Variants in TRAF3IP1 observed in about 807,000 individuals in gnomAD.
TRAF3IP1 encodes intraflagellar transport 54, also known as TRAF3-interacting protein 1.
In TRAF3IP1, 53 loss-of-function variants were observed where a neutral mutation model predicts 89.9. That is an observed-to-expected ratio of 0.59 (90% CI 0.47 to 0.74). The LOEUF is 0.74. Among genes scored for constraint, TRAF3IP1 ranks in the 30% least tolerant of loss-of-function variants. The probability of loss-of-function intolerance (pLI) is 0.00; values close to 1 mark genes in which losing one functional copy is unlikely to be tolerated. For missense variants in TRAF3IP1, 806 were observed against 866.1 expected (o/e 0.93, Z 0.87); for synonymous variants, 311 against 322.1 (o/e 0.97, Z 0.37).
chr2:238,371,126 T>C (rs1024701970), intron 15 of TRAF3IP1, among the ~76,000 whole-genome samples: 6 of 152,228 alleles, frequency 3.9e-5, no homozygotes, highest in African/African-American at 1.2e-4. Flanking sequence ...AATGCGACAT[T>C]GAAAGTCTGT....
At chr2:238,390,605 T>C (rs371318071) in intron 15 of TRAF3IP1, among the ~76,000 whole-genome samples, 1 of 152,330 alleles carries the variant, frequency 6.6e-6, no homozygotes, top group East Asian at 1.9e-4. Flanking sequence ...ACCCATGCCT[T>C]GTCCTGGGGG....
At chr2:238,356,576 C>A (rs1465719071) in intron 15 of TRAF3IP1, among the ~76,000 whole-genome samples, 1 of 152,102 alleles carries the variant, frequency 6.6e-6, no homozygotes, top group Admixed American at 6.5e-5. Flanking sequence ...GGGGCTACTT[C>A]CCTGGCCTGG....
At position 238,332,861 on chromosome 2, in the gene TRAF3IP1, A is replaced by T; in HGVS notation, c.953A>T (p.Asp318Val). Residue 318 changes from aspartate to valine, a missense_variant, in exon 6 of 17, where the codon GAT becomes GTT. This residue lies in a region of TRAF3IP1 where 732 missense variants were observed against 780.5 expected (regional missense o/e 0.94). Coordinates refer to ENST00000373327, the MANE Select transcript of TRAF3IP1 (RefSeq NM_015650.4). ...SSGEMSKKLS[D>V]GTFKDSKAET... ...GGGGAGATGTCTAAAAAGTTATCAG[A>T]TGGAACTTTTAAAGACTCCAAGGCT... 3 of 1,613,136 alleles carry T rather than the reference A, an allele frequency of 1.9e-6. No individual in the cohort carries two copies. Among genetic ancestry groups the T allele is most frequent in the Admixed American group, 1.7e-5 (1 of 59,968 alleles).
At chr2:238,329,853 C>G (rs1432427990) in intron 5 of TRAF3IP1, among the ~76,000 whole-genome samples, 1 of 152,130 alleles carries the variant, frequency 6.6e-6, no homozygotes, top group Non-Finnish European at 1.5e-5. Context: ...TGAGGTCTCC[C>G]TTTATGGAAT....
intron 12 of TRAF3IP1, among the ~76,000 whole-genome samples, chr2:238,349,807 C>T (rs1330887980): frequency 1.3e-5 from 2 of 152,338 alleles, no homozygotes; most frequent in South Asian, 2.1e-4. Flanking sequence ...TGGTGGTTCA[C>T]GCCTGTAATC....
intron 15 of TRAF3IP1, among the ~76,000 whole-genome samples, chr2:238,363,604 T>C (rs1699748724): frequency 6.6e-6 from 1 of 152,220 alleles, no homozygotes; most frequent in Admixed American, 6.5e-5. Flanking sequence ...TGCTTACTTC[T>C]AGACATACTT....
rs1701367017 is a variant in TRAF3IP1 at position 238,399,095 on chromosome 2, C to A, written c.*176C>A. ...AAGCATGTTAAGTGTATTAAAAAAA[C>A]CATGTTTTCTTACCTCCTTCCAGAT... is the stretch of plus-strand genomic sequence containing the variant. On this transcript the variant is annotated 3_prime_UTR_variant, in exon 17 of 17. Transcript: ENST00000373327. The A allele has an allele frequency of 8.5e-6, 5 of 585,744 alleles. No individual in the cohort carries two copies. The highest frequency in any genetic ancestry group is 5.7e-5 in the African/African-American group (3 of 52,466). 36.3% of individuals were successfully genotyped at this position (585,744 alleles called of 1,614,324 possible).
chr2:238,328,983 G>A lies in TRAF3IP1; in HGVS notation c.556G>A (p.Glu186Lys). 1.3e-6 allele frequency: 2 copies of A among 1,552,370 alleles called. No individual in the cohort carries two copies. The highest frequency in any genetic ancestry group is 1.7e-6 in the Non-Finnish European group (2 of 1,147,792). ...RSTSRDRKQK[E>K]ELKEDRKPRE... The stretch of plus-strand genomic sequence containing the variant: ...TACAAGCAGAGATCGAAAACAGAAG[G>A]AAGAATTGAAAGAAGACCGCAAGCC... Residue 186 changes from glutamate to lysine, a missense_variant, in exon 5 of 17, where the codon GAA becomes AAA. Coordinates refer to ENST00000373327, the MANE Select transcript of TRAF3IP1 (RefSeq NM_015650.4).
intron 15 of TRAF3IP1, among the ~76,000 whole-genome samples, chr2:238,356,295 G>A (rs1309053519): frequency 1.3e-5 from 2 of 152,174 alleles, no homozygotes; most frequent in Non-Finnish European, 2.9e-5. Flanking sequence ...CCAGGAGTTC[G>A]AGACCAGCCT....
At chr2:238,373,015 G>A (rs1452664449) in intron 15 of TRAF3IP1, among the ~76,000 whole-genome samples, 1 of 151,988 alleles carries the variant, frequency 6.6e-6, no homozygotes, top group Non-Finnish European at 1.5e-5. Flanking sequence ...TAAGTTCTTT[G>A]TAGATTCTGG....
At chr2:238,352,313 C>G (rs752976749) in intron 12 of TRAF3IP1, among the ~76,000 whole-genome samples, 2 of 152,076 alleles carry the variant, frequency 1.3e-5, no homozygotes, top group Non-Finnish European at 2.9e-5. Context: ...GCCACTGTGA[C>G]TAGGAGTTGA....
chr2:238,361,617 C>T (rs533745417), intron 15 of TRAF3IP1, among the ~76,000 whole-genome samples: 19 of 152,206 alleles, frequency 1.2e-4, no homozygotes, highest in South Asian at 2.1e-4. Context: ...CCAGGCACTA[C>T]GTGTTTCCGG....
rs1347765241 is a variant in TRAF3IP1 at position 238,399,829 on chromosome 2, A to G, written c.*910A>G. On this transcript the variant is annotated 3_prime_UTR_variant, in exon 17 of 17. Coordinates refer to ENST00000373327, the MANE Select transcript of TRAF3IP1 (RefSeq NM_015650.4). ...ACTTAAAAGGATGCACTGATTTACG[A>G]CGTTTTTTGATGTTAGCCATTTTTT... 6.6e-6 allele frequency: 1 copy of G among 152,038 alleles called. No individual in the cohort carries two copies. The highest frequency in any genetic ancestry group is 1.5e-5 in the Non-Finnish European group (1 of 68,026). The allele number at this position is 152,038 out of a possible 1,614,324, so 9.4% of individuals were successfully genotyped here.
chr2:238,365,860 G>A (rs1028156787), intron 15 of TRAF3IP1, among the ~76,000 whole-genome samples: 24 of 152,076 alleles, frequency 1.6e-4, no homozygotes, highest in African/African-American at 5.8e-4. Context: ...ATGTTCCCAA[G>A]TAAAATCTCT....
intron 9 of TRAF3IP1, 78 bp downstream of exon 9, chr2:238,344,676 G>A: frequency 8.0e-7 from 1 of 1,256,340 alleles, no homozygotes; most frequent in Non-Finnish European, 1.2e-6. Context: ...AAGGGCCGCA[G>A]CCCAGAGCCC....
intron 15 of TRAF3IP1, among the ~76,000 whole-genome samples, chr2:238,388,335 A>T (rs533636181): frequency 6.8e-6 from 1 of 147,178 alleles, no homozygotes; most frequent in African/African-American, 2.5e-5. Context: ...AGATCGCGCC[A>T]CTGCACTCCA....
At chr2:238,368,678 AT>A (rs927463284) in intron 15 of TRAF3IP1, among the ~76,000 whole-genome samples, 142 of 151,642 alleles carry the variant, frequency 9.4e-4, no homozygotes, top group Non-Finnish European at 1.1e-3. Context: ...GTTATTAATA[AT>A]TTTTTTTTGA....
At chr2:238,349,004 A>T (rs1042711403) in intron 11 of TRAF3IP1, among the ~76,000 whole-genome samples, 156 bp downstream of exon 11, 1 of 152,210 alleles carries the variant, frequency 6.6e-6, no homozygotes, top group Non-Finnish European at 1.5e-5. Flanking sequence ...AGTTTTCTGT[A>T]CTGGAGTTAT....
Position 238,338,378 on chromosome 2 carries a change from T to C in TRAF3IP1, c.1080T>C (p.Asn360=). ...TTATGTCAGGAAGGAAGGAGGATAATATTTCAGCTAAAAGTTTAGACTCCA... is the reference window on the plus strand; with the variant it reads ...TTATGTCAGGAAGGAAGGAGGATAACATTTCAGCTAAAAGTTTAGACTCCA... ...KNSVEGRKED[N]ISAKSLDSIV... is the part of the protein sequence containing the mutation. The change falls in exon 8 of 17, where the codon AAT becomes AAC. Residue 360 remains asparagine, a synonymous_variant. Transcript: ENST00000373327. The C allele has an allele frequency of 6.4e-7, 1 of 1,574,576 alleles. No homozygotes were observed. Among genetic ancestry groups the C allele is most frequent in the Non-Finnish European group, 8.6e-7 (1 of 1,157,592 alleles).
Sources: gnomAD v4.1 joint callset for allele counts (sites outside exome capture counted in the v4.1 genomes callset) on GRCh38, gnomAD v4.1.1 for gene constraint, gnomAD v4.1.1 regional missense constraint, MANE v1.5 for transcripts, NCBI Gene and HGNC (gene_info 2026-07-23, HGNC 2026-07-21) for gene names.